Variants in UGT3A2 observed in about 807,000 individuals in gnomAD.
UGT3A2 encodes the protein UDP-glycosyltransferase 3A2.
In UGT3A2, 32 loss-of-function variants were observed where a neutral mutation model predicts 39.8. The ratio of observed to expected loss-of-function variants is 0.80; its 90% CI spans 0.61 to 1.08. UGT3A2 has a LOEUF of 1.08. Ranked by LOEUF, UGT3A2 falls within the 50% of genes least tolerant of loss-of-function variation. The pLI, the probability that UGT3A2 is intolerant of heterozygous loss-of-function variation, is 0.00. For synonymous variants in UGT3A2, 241 were observed against 230.7 expected, an observed-to-expected ratio of 1.04 and a Z score of -0.40; for missense variants, 611 against 637.1, an observed-to-expected ratio of 0.96 and a Z score of 0.44.
At chr5:36,040,325 G>T (rs1741967099) in intron 4 of UGT3A2, among the ~76,000 whole-genome samples, 1 of 152,094 alleles carries the variant, frequency 6.6e-6, no homozygotes, top group African/African-American at 2.4e-5. Context: ...CAAGATGGCA[G>T]AATAGAACCC....
rs561083649 is a variant in UGT3A2 at position 36,061,186 on chromosome 5, G to C, written c.196+3063C>G. 2.6e-5 allele frequency among the ~76,000 whole-genome samples: 4 copies of C among 151,928 alleles called. No homozygotes were observed. The East Asian group carries it at 7.7e-4, about 29-fold the overall frequency. ...GACTCTGACTCAATTAAAAAACATG[G>C]CTAAAATGGTAGATTATGTTATATA... On this transcript the variant is annotated intron_variant, in intron 2 of 6. Coordinates refer to ENST00000282507, the MANE Select transcript of UGT3A2 (RefSeq NM_174914.4).
At position 36,049,139 on chromosome 5, in the gene UGT3A2, C is replaced by T. The variant is rs373202259; in HGVS notation, c.593G>A (p.Trp198Ter). Reference sequence around the variant, plus strand: ...CATCAGAAAATTCTTCACTCGGCCCCAGAAGTCCATGTGATCAGTCAGCAA... The same window carrying T: ...CATCAGAAAATTCTTCACTCGGCCCTAGAAGTCCATGTGATCAGTCAGCAA... The part of the protein sequence containing the change: ...RSLLTDHMDF[W>*]GRVKNFLMFF... Residue 198 changes from tryptophan (W) to a stop codon, truncating the protein, a stop_gained, in exon 4 of 7, where the codon TGG becomes TAG. Transcript: ENST00000282507. LOFTEE classifies it high-confidence loss of function. 6.2e-7 allele frequency: 1 copy of T among 1,614,166 alleles called. No homozygotes were observed.
chr5:36,051,820 G>T, intron 3 of UGT3A2, 50 bp downstream of exon 3: 1 of 1,329,078 alleles, frequency 7.5e-7, no homozygotes, highest in Non-Finnish European at 1.1e-6. Flanking sequence ...CCATCCATTT[G>T]TATTATGAAA....
intron 2 of UGT3A2, among the ~76,000 whole-genome samples, chr5:36,054,445 T>C (rs1024358451): frequency 2.0e-5 from 3 of 152,166 alleles, no homozygotes; most frequent in African/African-American, 7.2e-5. Context: ...CAAACAATTA[T>C]ATTATCAATT....
chr5:36,049,131 C>T lies in UGT3A2; in HGVS notation c.601G>A (p.Val201Met). ...CTAAAGAACATCAGAAAATTCTTCA[C>T]TCGGCCCCAGAAGTCCATGTGATCA... ...LTDHMDFWGR[V>M]KNFLMFFSFC... Residue 201 changes from valine to methionine, a missense_variant, in exon 4 of 7, where the codon GTG (valine) becomes ATG (methionine). Physicochemically the swap from Val to Met is conservative, Grantham distance 21 (BLOSUM62 1). Coordinates refer to ENST00000282507, the MANE Select transcript of UGT3A2 (RefSeq NM_174914.4). 6.2e-7 allele frequency: 1 copy of T among 1,614,194 alleles called. No homozygotes were observed. Among genetic ancestry groups the T allele is most frequent in the Non-Finnish European group, 8.5e-7 (1 of 1,180,034 alleles).
At chr5:36,051,174 C>T (rs761257040) in intron 3 of UGT3A2, among the ~76,000 whole-genome samples, 5 of 152,032 alleles carry the variant, frequency 3.3e-5, no homozygotes, top group African/African-American at 9.7e-5. Context: ...ACCTTGACTA[C>T]TGAGTAGAAT....
chr5:36,066,621 C>A, intron 1 of UGT3A2, 75 bp downstream of exon 1: 1 of 1,604,696 alleles, frequency 6.2e-7, no homozygotes, highest in Non-Finnish European at 8.5e-7. Flanking sequence ...TCTGATCAAG[C>A]GCTGTTCTCT....
rs141834822 is a variant in UGT3A2, at chr5:36,035,809, G to A, written c.1461C>T (p.Asp487=). ...QQPWHEQYLL[D]VFVFLLGLTL... ...TGAGCCCCAGCAGAAACACAAAAAC[G>A]TCGAGCAGGTACTGCTCATGCCAGG... is the stretch of plus-strand genomic sequence containing the variant. The change falls in exon 7 of 7, where the codon GAC becomes GAT. Residue 487 remains aspartate (D), a synonymous_variant. Transcript: ENST00000282507. The A allele has an allele frequency of 1.6e-5, 26 of 1,613,980 alleles. No individual in the cohort carries two copies. The highest frequency in any genetic ancestry group is 8.0e-5 in the African/African-American group (6 of 74,898).
At chr5:36,045,730 T>C (rs1050365012) in intron 4 of UGT3A2, among the ~76,000 whole-genome samples, 2 of 152,148 alleles carry the variant, frequency 1.3e-5, no homozygotes, top group African/African-American at 4.8e-5. Flanking sequence ...GACAGATTTC[T>C]TTTTCTTGTG....
At chr5:36,045,297 C>T (rs1335569232) in intron 4 of UGT3A2, among the ~76,000 whole-genome samples, 1 of 151,982 alleles carries the variant, frequency 6.6e-6, no homozygotes, top group Non-Finnish European at 1.5e-5. Context: ...AAAACTAGAC[C>T]TCTATATCTC....
chr5:36,066,255 C>T (rs2012367), intron 1 of UGT3A2, among the ~76,000 whole-genome samples: 44,727 of 152,016 alleles, frequency 0.29, 8,185 homozygotes, highest in Non-Finnish European at 0.41. Flanking sequence ...TCAGGAGGGC[C>T]TTTCCCTGGT....
At chr5:36,048,737 G>T in intron 4 of UGT3A2, 152 bp downstream of exon 4, 1 of 1,154,844 alleles carries the variant, frequency 8.7e-7, no homozygotes, top group Non-Finnish European at 1.2e-6. Flanking sequence ...GCACAACACT[G>T]AAACTCATCA....
In UGT3A2 at chr5:36,039,469, G is replaced by A; in HGVS notation, c.1075+8C>T. 6.2e-7 allele frequency: 1 copy of A among 1,611,352 alleles called. No homozygotes were observed. The highest frequency in any genetic ancestry group is 2.2e-5 in the East Asian group (1 of 44,870). On this transcript the variant is annotated splice_region_variant and intron_variant, in intron 5 of 6. Transcript: ENST00000282507. ...GGAAGGAGAGGAGCAGTCCTGGGCA[G>A]CCCTTACCCAGGAGGTCACTCTGAG... is the stretch of plus-strand genomic sequence containing the variant.
At chr5:36,044,283 C>A (rs182932159) in intron 4 of UGT3A2, among the ~76,000 whole-genome samples, 3 of 152,074 alleles carry the variant, frequency 2.0e-5, no homozygotes, top group African/African-American at 4.8e-5. Context: ...CAATAAAATT[C>A]AAAGTCCCTT....
intron 1 of UGT3A2, among the ~76,000 whole-genome samples, chr5:36,066,100 G>A (rs1742870898): frequency 6.6e-6 from 1 of 152,162 alleles, no homozygotes; most frequent in Non-Finnish European, 1.5e-5. Context: ...CAAAAGATGC[G>A]AATGACCTGG....
chr5:36,064,739 C>T (rs1479972124), intron 1 of UGT3A2, among the ~76,000 whole-genome samples: 1 of 152,274 alleles, frequency 6.6e-6, no homozygotes, highest in East Asian at 1.9e-4. Context: ...TGGTGTTGTA[C>T]ATATGAGTGT....
intron 1 of UGT3A2, among the ~76,000 whole-genome samples, chr5:36,065,236 G>C (rs1742841586): frequency 6.6e-6 from 1 of 152,150 alleles, no homozygotes. Flanking sequence ...AGCCTGCGGG[G>C]TGGGGGTGGA....
chr5:36,035,923 G>A lies in UGT3A2; in HGVS notation c.1347C>T (p.Leu449=), dbSNP rs1202114988. Residue 449 remains leucine (L), a synonymous_variant, in exon 7 of 7, where the codon CTC becomes CTT. Transcript: ENST00000282507. The stretch of plus-strand genomic sequence containing the variant: ...AGCCCACCAGCCGCTGTGTGGGGCT[G>A]AGCGGGTGGGAGCGCAGGATGACAC... ...AASVILRSHP[L]SPTQRLVGWI... 4.3e-6 allele frequency: 7 copies of A among 1,614,184 alleles called. No individual in the cohort carries two copies. Among genetic ancestry groups the A allele is most frequent in the Non-Finnish European group, 5.9e-6 (7 of 1,180,032 alleles).
rs143494190 is a variant in UGT3A2, at chr5:36,061,067, T to C, written c.196+3182A>G. Among the ~76,000 whole-genome samples the C allele has an allele frequency of 9.5e-4, 145 of 152,184 alleles. 2 individuals carry two copies. In the East Asian group the frequency reaches 0.022, roughly 24 times the overall value. ...CGCACCTGTAGTCCCAGTTATTTGG[T>C]AGGCTAAGGTACCAGAATCGCTTGA... On this transcript the variant is annotated intron_variant, in intron 2 of 6. Coordinates refer to ENST00000282507, the MANE Select transcript of UGT3A2 (RefSeq NM_174914.4).
Sources: gnomAD v4.1 joint callset for allele counts (sites outside exome capture counted in the v4.1 genomes callset) on GRCh38, gnomAD v4.1.1 for gene constraint, MANE v1.5 for transcripts, NCBI Gene and HGNC (gene_info 2026-07-23, HGNC 2026-07-21) for gene names.